PPFIA2: variants seen among roughly 807,000 people sequenced by gnomAD.
PPFIA2 encodes the protein liprin-alpha-2.
Under a neutral mutation model 175.5 loss-of-function variants are expected in PPFIA2, and 46 were observed. The ratio of observed to expected loss-of-function variants is 0.26; its 90% confidence interval spans 0.21 to 0.34. The LOEUF (loss-of-function observed/expected upper bound fraction) is 0.34. PPFIA2 is among the 10% of genes least tolerant of loss of function. PPFIA2 has a pLI of 1.00. For synonymous variants in PPFIA2, 568 were observed against 511.4 expected (o/e 1.11, Z -1.49); for missense variants, 1,179 against 1,506.1 (o/e 0.78, Z 3.60).
rs146833114 is a variant in PPFIA2, at chr12:81,683,897, G to A, written c.250-7053C>T. The stretch of plus-strand genomic sequence containing the variant: ...CCCCCACCTATGGCAGAAGGCCAAG[G>A]GGAGCCAGCTGTGTGAAAGAGTGAG... On this transcript the variant is annotated intron_variant, in intron 3 of 32. Coordinates refer to ENST00000549396, the MANE Select transcript of PPFIA2 (RefSeq NM_003625.5). 2.3e-3 allele frequency among the ~76,000 whole-genome samples: 355 copies of A among 152,184 alleles called. 1 individual carries two copies. Among genetic ancestry groups the A allele is most frequent in the African/African-American group, 8.3e-3 (344 of 41,566 alleles).
At chr12:81,725,780 G>A (rs2079995483) in intron 3 of PPFIA2, among the ~76,000 whole-genome samples, 1 of 150,590 alleles carries the variant, frequency 6.6e-6, no homozygotes. Context: ...AGGGGGAGGA[G>A]AAAGAATGGA....
At chr12:81,454,582 C>A (rs1190346587) in intron 5 of PPFIA2, among the ~76,000 whole-genome samples, 1 of 152,184 alleles carries the variant, frequency 6.6e-6, no homozygotes, top group African/African-American at 2.4e-5. Flanking sequence ...ACTGGAACTT[C>A]TATTTTCTAT....
chr12:81,603,498 T>C (rs73362546), intron 4 of PPFIA2, among the ~76,000 whole-genome samples: 1,730 of 151,514 alleles, frequency 0.011, 22 homozygotes, highest in African/African-American at 0.039. Flanking sequence ...GCTTTTATTA[T>C]ATTGGAGGAA....
At chr12:81,707,475 T>C (rs1227566451) in intron 3 of PPFIA2, among the ~76,000 whole-genome samples, 5 of 152,026 alleles carry the variant, frequency 3.3e-5, no homozygotes, top group Admixed American at 6.6e-5. Context: ...CAATGAGATA[T>C]CATCTCACAC....
intron 4 of PPFIA2, among the ~76,000 whole-genome samples, chr12:81,556,695 A>T (rs1006612656): frequency 6.7e-6 from 1 of 149,532 alleles, no homozygotes; most frequent in South Asian, 2.1e-4. Flanking sequence ...GTGGAGTATT[A>T]AAAAAAAAAT....
chr12:81,673,599 G>A (rs77142629), intron 4 of PPFIA2, among the ~76,000 whole-genome samples: 27 of 151,996 alleles, frequency 1.8e-4, no homozygotes, highest in Admixed American at 1.6e-3. Flanking sequence ...AGGTTAATCT[G>A]TGATCAAATT....
chr12:81,342,381 A>T (rs1323848457), intron 19 of PPFIA2, among the ~76,000 whole-genome samples: 1 of 152,092 alleles, frequency 6.6e-6, no homozygotes, highest in Non-Finnish European at 1.5e-5. Flanking sequence ...CTAAACAAAA[A>T]TTTTTAAAGT....
At chr12:81,660,977 C>A (rs1018044512) in intron 4 of PPFIA2, among the ~76,000 whole-genome samples, 26 of 152,126 alleles carry the variant, frequency 1.7e-4, no homozygotes, top group Non-Finnish European at 2.9e-4. Flanking sequence ...AAATAAAATA[C>A]TTTACAGACA....
chr12:81,643,162 A>C, intron 4 of PPFIA2, among the ~76,000 whole-genome samples: 1 of 150,988 alleles, frequency 6.6e-6, no homozygotes, highest in East Asian at 1.9e-4. Context: ...TCATTATAAA[A>C]ATAAAATATA....
At chr12:81,701,356 T>C (rs182316308) in intron 3 of PPFIA2, among the ~76,000 whole-genome samples, 9 of 152,262 alleles carry the variant, frequency 5.9e-5, no homozygotes, top group Non-Finnish European at 1.3e-4. Context: ...AACTGATTCA[T>C]GCATTTAGAG....
chr12:81,664,846 A>G (rs2069791594), intron 4 of PPFIA2, among the ~76,000 whole-genome samples: 1 of 152,112 alleles, frequency 6.6e-6, no homozygotes, highest in East Asian at 1.9e-4. Flanking sequence ...ACCATGGAAT[A>G]CTATGCAGCC....
At chr12:81,580,115 C>A (rs1567425262) in intron 4 of PPFIA2, among the ~76,000 whole-genome samples, 1 of 151,748 alleles carries the variant, frequency 6.6e-6, no homozygotes, top group African/African-American at 2.4e-5. Context: ...CAAAGTATTT[C>A]ATTTAAATAT....
intron 11 of PPFIA2, among the ~76,000 whole-genome samples, chr12:81,371,933 A>G (rs2035239123): frequency 6.6e-6 from 1 of 151,486 alleles, no homozygotes; most frequent in South Asian, 2.1e-4. Flanking sequence ...ACACAAACAC[A>G]CACACACACA....
intron 4 of PPFIA2, among the ~76,000 whole-genome samples, chr12:81,538,929 A>T (rs1343844940): frequency 1.3e-5 from 2 of 151,966 alleles, no homozygotes; most frequent in Non-Finnish European, 2.9e-5. Context: ...TAGAGCGACC[A>T]GGGTAGAAGT....
intron 3 of PPFIA2, among the ~76,000 whole-genome samples, chr12:81,730,322 T>A (rs1248053850): frequency 6.6e-6 from 1 of 151,636 alleles, no homozygotes; most frequent in Non-Finnish European, 1.5e-5. Context: ...TGAATCTGGG[T>A]AATTTACAAA....
chr12:81,419,919 A>G (rs1459952726), intron 7 of PPFIA2, among the ~76,000 whole-genome samples: 1 of 152,138 alleles, frequency 6.6e-6, no homozygotes, highest in Non-Finnish European at 1.5e-5. Context: ...CTCTACCACA[A>G]CTTCTCCTGT....
intron 4 of PPFIA2, chr12:81,535,470 G>T (rs1295946530): frequency 2.2e-6 from 1 of 455,150 alleles, no homozygotes; most frequent in Middle Eastern, 3.2e-4. Flanking sequence ...CTGAAAGGCA[G>T]AATCTCACTG....
At chr12:81,659,516 C>T (rs943592054) in intron 4 of PPFIA2, among the ~76,000 whole-genome samples, 8 of 152,178 alleles carry the variant, frequency 5.3e-5, no homozygotes, top group Non-Finnish European at 8.8e-5. Flanking sequence ...GAGGGGCGCC[C>T]GCCATTGCTG....
At chr12:81,686,788 G>C (rs1167816105) in intron 3 of PPFIA2, among the ~76,000 whole-genome samples, 2 of 152,028 alleles carry the variant, frequency 1.3e-5, no homozygotes, top group Non-Finnish European at 1.5e-5. Flanking sequence ...AGTTTTCCTT[G>C]TAAATATCTG....
Sources: allele counts gnomAD v4.1 joint callset (sites outside exome capture counted in the v4.1 genomes callset), GRCh38; gene constraint gnomAD v4.1.1; transcripts MANE v1.5; gene names NCBI Gene and HGNC (gene_info 2026-07-23, HGNC 2026-07-21).